The following CAPN5 variants were observed in gnomAD, a reference collection of about 807,000 sequenced individuals.
CAPN5 encodes the protein calpain-5.
A neutral mutation model predicts 73.0 loss-of-function variants in CAPN5; 54 were observed. That is an observed-to-expected ratio of 0.74 (90% CI 0.59 to 0.93). CAPN5 has a LOEUF of 0.93. Among genes scored for constraint, CAPN5 ranks in the 40% least tolerant of loss-of-function variants. The pLI, the probability that CAPN5 is intolerant of heterozygous loss-of-function variation, is 0.00. For missense variants in CAPN5, 785 were observed against 882.9 expected, an observed-to-expected ratio of 0.89 and a Z score of 1.41; for synonymous variants, 335 against 356.9, an observed-to-expected ratio of 0.94 and a Z score of 0.69.
chr11:77,113,514 T>G (rs1427157566), intron 4 of CAPN5, among the ~76,000 whole-genome samples: 1 of 152,158 alleles, frequency 6.6e-6, no homozygotes, highest in African/African-American at 2.4e-5. Context: ...TGGTTCCTCC[T>G]GCTAGGCCCA....
At chr11:77,109,676 C>T (rs965946597) in intron 3 of CAPN5, among the ~76,000 whole-genome samples, 2 of 152,206 alleles carry the variant, frequency 1.3e-5, no homozygotes, top group African/African-American at 4.8e-5. Flanking sequence ...CCCTCCTGCT[C>T]AGCATCCTGG....
At chr11:77,119,201 G>A in intron 9 of CAPN5, 49 bp downstream of exon 9, 1 of 1,568,456 alleles carries the variant, frequency 6.4e-7, no homozygotes, top group Non-Finnish European at 8.6e-7. Flanking sequence ...GGAGGGAGCT[G>A]GAGTTTGGAC....
intron 3 of CAPN5, chr11:77,103,215 G>A: frequency 6.2e-7 from 1 of 1,613,690 alleles, no homozygotes; most frequent in South Asian, 1.1e-5. Flanking sequence ...CCTGGAGTTT[G>A]GGGAGCGCCT....
In CAPN5 at chr11:77,126,003, A is replaced by G. The variant is rs184956636; in HGVS notation, c.*2133A>G. ...AGCAATTACTTTGTTCACTGTATGC[A>G]CCCGCGGGGGCCTGGGAGTCCCCAT... On this transcript the variant is annotated 3_prime_UTR_variant, in exon 13 of 13. Coordinates refer to ENST00000648180, the MANE Select transcript of CAPN5 (RefSeq NM_004055.5). The G allele has an allele frequency of 6.6e-6, 1 of 152,038 alleles. No individual in the cohort carries two copies. Among genetic ancestry groups the G allele is most frequent in the Admixed American group, 6.5e-5 (1 of 15,282 alleles). 9.4% of individuals were successfully genotyped at this position (152,038 alleles called of 1,614,324 possible). A position where few individuals can be genotyped will look rare whatever the true frequency, so the allele number is the denominator to read the frequency against.
At chr11:77,098,187 T>A (rs868941119) in intron 3 of CAPN5, among the ~76,000 whole-genome samples, 1 of 32,870 alleles carries the variant, frequency 3.0e-5, no homozygotes, top group African/African-American at 2.4e-4. Flanking sequence ...GGCAGAGGCG[T>A]CCCTCACCTC....
At chr11:77,102,364 A>C (rs1474344123) in intron 3 of CAPN5, among the ~76,000 whole-genome samples, 1 of 152,090 alleles carries the variant, frequency 6.6e-6, no homozygotes, top group Non-Finnish European at 1.5e-5. Context: ...TCAGATCTCC[A>C]ATCACCAAGC....
At position 77,119,667 on chromosome 11, in the gene CAPN5, G is replaced by A. The variant is rs112040467; in HGVS notation, c.1290+515G>A. 3.1e-3 allele frequency: 492 copies of A among 159,388 alleles called. 6 individuals carry two copies. Among genetic ancestry groups the A allele is most frequent in the African/African-American group, 0.011 (468 of 41,798 alleles). The allele number at this position is 159,388 out of a possible 1,614,324, so 9.9% of individuals were successfully genotyped here. On this transcript the variant is annotated intron_variant, in intron 9 of 12. Transcript: ENST00000648180. The stretch of plus-strand genomic sequence containing the variant: ...TTGTGATGCCCAGTGTGTGGTGACA[G>A]TCAGCATGGCGGGACCCCATGTGCC...
chr11:77,100,297 C>T (rs1217281549), intron 3 of CAPN5, among the ~76,000 whole-genome samples: 4 of 152,154 alleles, frequency 2.6e-5, no homozygotes, highest in African/African-American at 9.7e-5. Context: ...CTGTCCCCAG[C>T]TGCAGCCTCC....
intron 1 of CAPN5, among the ~76,000 whole-genome samples, chr11:77,075,030 C>G (rs1459657511): frequency 1.3e-5 from 2 of 152,204 alleles, no homozygotes; most frequent in Non-Finnish European, 2.9e-5. Flanking sequence ...GTCCGTTTCC[C>G]ATGTGGCAGC....
chr11:77,075,445 G>A (rs1039550721), intron 1 of CAPN5, among the ~76,000 whole-genome samples: 18 of 152,156 alleles, frequency 1.2e-4, no homozygotes, highest in African/African-American at 4.1e-4. Flanking sequence ...AGGAGGCTGG[G>A]ACCAGAGAAT....
chr11:77,115,326 C>T, intron 5 of CAPN5, 69 bp from the exon 6 acceptor site: 1 of 1,352,176 alleles, frequency 7.4e-7, no homozygotes. Context: ...CCTAGCCCTC[C>T]AGCACCTGAG....
At chr11:77,088,642 T>C (rs1297694402) in intron 2 of CAPN5, among the ~76,000 whole-genome samples, 1 of 152,100 alleles carries the variant, frequency 6.6e-6, no homozygotes, top group Non-Finnish European at 1.5e-5. Flanking sequence ...TCATTCATTC[T>C]GTGATCCTAG....
chr11:77,088,084 G>C, intron 2 of CAPN5: 1 of 1,520,028 alleles, frequency 6.6e-7, no homozygotes, highest in African/African-American at 1.4e-5. Context: ...CTGTCACCCT[G>C]TGGGGGCAAC....
intron 2 of CAPN5, 65 bp downstream of exon 2, chr11:77,085,116 G>A (rs1013732374): frequency 2.1e-6 from 3 of 1,443,414 alleles, no homozygotes; most frequent in East Asian, 2.3e-5. Context: ...GGCTGGGCCT[G>A]CAGGGACATC....
chr11:77,074,406 G>A (rs4945140), intron 1 of CAPN5, among the ~76,000 whole-genome samples: 55,319 of 151,606 alleles, frequency 0.36, 11,232 homozygotes, highest in Non-Finnish European at 0.45. Context: ...CCCTCTCCCT[G>A]TGCCACATTG....
At chr11:77,104,427 G>A (rs909147370) in intron 3 of CAPN5, among the ~76,000 whole-genome samples, 7 of 152,220 alleles carry the variant, frequency 4.6e-5, no homozygotes, top group African/African-American at 9.6e-5. Context: ...GGGCGAAGGC[G>A]TGGTGGGCAG....
chr11:77,085,277 C>T (rs1950074074), intron 2 of CAPN5, among the ~76,000 whole-genome samples: 1 of 152,198 alleles, frequency 6.6e-6, no homozygotes. Flanking sequence ...AGGCCTTCAC[C>T]CTCTCAGGGC....
chr11:77,074,632 A>G (rs1949948602), intron 1 of CAPN5, among the ~76,000 whole-genome samples: 2 of 152,172 alleles, frequency 1.3e-5, no homozygotes, highest in South Asian at 4.1e-4. Context: ...TCATATGGCA[A>G]AAGGTGGTGG....
chr11:77,110,190 C>T (rs1012375791), intron 3 of CAPN5, among the ~76,000 whole-genome samples: 24 of 151,792 alleles, frequency 1.6e-4, no homozygotes, highest in African/African-American at 5.1e-4. Context: ...CAGGTTCAAG[C>T]GATTCTCATG....
Sources: gnomAD v4.1 joint callset for allele counts (sites outside exome capture counted in the v4.1 genomes callset) on GRCh38, gnomAD v4.1.1 for gene constraint, MANE v1.5 for transcripts, NCBI Gene and HGNC (gene_info 2026-07-23, HGNC 2026-07-21) for gene names.